BDP1: variants seen among roughly 807,000 people sequenced by gnomAD.
BDP1 encodes transcription factor TFIIIB component B'' homolog.
In BDP1, 169 loss-of-function variants were observed where a neutral mutation model predicts 266.6. The ratio of observed to expected loss-of-function variants is 0.63; its 90% CI spans 0.56 to 0.72. The LOEUF (loss-of-function observed/expected upper bound fraction) is 0.72. Ranked by LOEUF, BDP1 falls within the 30% of genes least tolerant of loss-of-function variation. The pLI, the probability that BDP1 is intolerant of heterozygous loss-of-function variation, is 0.00. For missense variants in BDP1, 3,015 were observed against 3,053.8 expected (o/e 0.99, Z 0.30); for synonymous variants, 1,090 against 1,022.4 (o/e 1.07, Z -1.26).
intron 34 of BDP1, among the ~76,000 whole-genome samples, chr5:71,551,334 C>G (rs1742738586): frequency 6.6e-6 from 1 of 152,146 alleles, no homozygotes; most frequent in South Asian, 2.1e-4. Context: ...ATACTGCGTT[C>G]AAGCATCTGT....
chr5:71,487,366 C>G (rs970195240), intron 9 of BDP1, among the ~76,000 whole-genome samples: 4 of 152,038 alleles, frequency 2.6e-5, no homozygotes, highest in East Asian at 1.9e-4. Context: ...CTCAGCCTCC[C>G]GAGTAGCTGG....
chr5:71,555,950 G>A (rs1743190100), intron 35 of BDP1, among the ~76,000 whole-genome samples: 2 of 151,684 alleles, frequency 1.3e-5, no homozygotes, highest in Non-Finnish European at 2.9e-5. Context: ...TTAACTTAGG[G>A]GAAATTGACA....
In BDP1 at chr5:71,467,377, C is replaced by A. The variant is rs570029100; in HGVS notation, c.809C>A (p.Thr270Lys). The A allele has an allele frequency of 7.5e-6, 12 of 1,608,558 alleles. No homozygotes were observed. The African/African-American group carries it at 1.5e-4, about 20-fold the overall frequency. The change falls in exon 6 of 39, where the codon ACA (threonine) becomes AAA (lysine). Residue 270 changes from threonine (T) to lysine (K), a missense_variant. By Grantham distance (78) the Thr-to-Lys change is moderately conservative. Coordinates refer to ENST00000358731, the MANE Select transcript of BDP1 (RefSeq NM_018429.3). ...AGTTTAACTGTAGAAGTTTTAAGAA[C>A]AAAAGGCCCTTGTGTTGTTGAAGAA... ...EESLTVEVLRTKGPCVVEEND... is the reference protein window; with the variant it reads ...EESLTVEVLRKKGPCVVEEND...
At chr5:71,563,336 C>T (rs912589462) in intron 38 of BDP1, among the ~76,000 whole-genome samples, 2 of 152,058 alleles carry the variant, frequency 1.3e-5, no homozygotes, top group Admixed American at 6.6e-5. Context: ...TTAGTAGAGG[C>T]GGGATTTCGC....
chr5:71,466,408 T>G (rs1761905780), intron 5 of BDP1, among the ~76,000 whole-genome samples, 187 bp downstream of exon 5: 1 of 152,226 alleles, frequency 6.6e-6, no homozygotes, highest in Admixed American at 6.5e-5. Context: ...TTTTTATAAC[T>G]ATTTTGTATG....
Position 71,461,889 on chromosome 5 carries a change from G to A in BDP1, c.562G>A (p.Asp188Asn). The A allele has an allele frequency of 6.3e-7, 1 of 1,587,534 alleles. No individual in the cohort carries two copies. Among genetic ancestry groups the A allele is most frequent in the Non-Finnish European group, 8.6e-7 (1 of 1,161,118 alleles). Reference protein sequence around the residue: ...PPDRSKMTMRDFIYYLPDNNP... With the variant: ...PPDRSKMTMRNFIYYLPDNNP... ...AGATCGTTCAAAAATGACTATGAGA[G>A]ACTTCATATATTATCTACCAGATAA... The change falls in exon 3 of 39, where the codon GAC becomes AAC. Residue 188 changes from aspartate (D) to asparagine (N), a missense_variant. Around this residue, in one of 3 missense-constraint regions of BDP1, gnomAD observed 2,383 missense variants for 2,404.9 expected, o/e 0.99. Transcript: ENST00000358731.
chr5:71,504,711 G>A lies in BDP1; in HGVS notation c.2332G>A (p.Val778Met), dbSNP rs3761967. ...QPEKNDSFQN[V>M]QPDEPKVLNE... ...TGAGAAAAATGATTCTTTTCAAAAT[G>A]TGCAGCCAGATGAGCCCAAGGTTCT... The change falls in exon 16 of 39, where the codon GTG (valine) becomes ATG (methionine). Residue 778 changes from valine (V) to methionine (M), a missense_variant. Val to Met is a conservative substitution (Grantham distance 21). Around this residue, in one of 3 missense-constraint regions of BDP1, gnomAD observed 2,383 missense variants for 2,404.9 expected, o/e 0.99. Coordinates refer to ENST00000358731, the MANE Select transcript of BDP1 (RefSeq NM_018429.3). 769,978 of 1,612,198 alleles carry A rather than the reference G, an allele frequency of 0.48. 186,516 individuals carry two copies. The highest frequency in any genetic ancestry group is 0.55 in the South Asian group (50,115 of 90,982).
Position 71,502,747 on chromosome 5 carries a change from G to A in BDP1, c.2197G>A (p.Ala733Thr). 6.2e-7 allele frequency: 1 copy of A among 1,613,866 alleles called. No individual in the cohort carries two copies. Among genetic ancestry groups the A allele is most frequent in the Non-Finnish European group, 8.5e-7 (1 of 1,179,946 alleles). ...EILISQEEIG[A>T]NVEKNENESC... is the part of the protein sequence containing the mutation. ...TCTCATATCACAGGAAGAAATTGGG[G>A]CCAATGTAGAGAAGAATGAAAATGA... is the stretch of plus-strand genomic sequence containing the variant. The change falls in exon 15 of 39, where the codon GCC becomes ACC. Residue 733 changes from alanine (A) to threonine (T), a missense_variant. Ala to Thr is a moderately conservative substitution (Grantham distance 58). This residue lies in a region of BDP1 where 2,383 missense variants were observed against 2,404.9 expected (regional missense o/e 0.99). Transcript: ENST00000358731.
At chr5:71,517,213 T>A in intron 21 of BDP1, 109 bp from the exon 22 acceptor site, 1 of 990,372 alleles carries the variant, frequency 1.0e-6, no homozygotes. Flanking sequence ...AAATAAAAAT[T>A]TAAAAAAGAA....
In BDP1 at chr5:71,490,768, G is replaced by A. The variant is rs543234044; in HGVS notation, c.1493-216G>A. Among the ~76,000 whole-genome samples, 5 of 152,248 alleles carry A rather than the reference G, an allele frequency of 3.3e-5. No homozygotes were observed. The South Asian group carries it at 1.0e-3, about 32-fold the overall frequency. ...TAAATACTTAGAATTTAAGATAAAA[G>A]GAAGATGCTACAAATTGCCCAAGAA... On this transcript the variant is annotated intron_variant, in intron 10 of 38. Coordinates refer to ENST00000358731, the MANE Select transcript of BDP1 (RefSeq NM_018429.3).
intron 37 of BDP1, 50 bp from the exon 38 acceptor site, chr5:71,562,220 AAAAG>A: frequency 2.4e-5 from 32 of 1,326,360 alleles, no homozygotes; most frequent in Admixed American, 5.2e-5. Context: ...AAAAAAAAAA[AAAAG>A]AATGTGTCTT....
intron 14 of BDP1, 41 bp downstream of exon 14, chr5:71,501,694 G>C: frequency 2.8e-6 from 2 of 708,620 alleles, no homozygotes; most frequent in Non-Finnish European, 4.5e-6. Flanking sequence ...AAAAAAAAAA[G>C]TAACTCTTAG....
chr5:71,489,628 C>T lies in BDP1; in HGVS notation c.1438C>T (p.Leu480Phe), dbSNP rs369730058. The change falls in exon 10 of 39, where the codon CTT becomes TTT. Residue 480 changes from leucine (L) to phenylalanine (F), a missense_variant. Leu to Phe is a conservative substitution (Grantham distance 22). Around this residue, in one of 3 missense-constraint regions of BDP1, gnomAD observed 2,383 missense variants for 2,404.9 expected, o/e 0.99. Coordinates refer to ENST00000358731, the MANE Select transcript of BDP1 (RefSeq NM_018429.3). ...AGCTAATGAACTGGGAGTAAACAAT[C>T]TTTTAGAAAATGCCACTGTTCAGGC... ...DGANELGVNNLLENATVQAGP... is the reference protein window; with the variant it reads ...DGANELGVNNFLENATVQAGP... 6.2e-7 allele frequency: 1 copy of T among 1,613,902 alleles called. No individual in the cohort carries two copies. The highest frequency in any genetic ancestry group is 1.3e-5 in the African/African-American group (1 of 74,926).
intron 2 of BDP1, among the ~76,000 whole-genome samples, chr5:71,459,100 A>ATAAG (rs1335883077): frequency 1.3e-5 from 2 of 152,220 alleles, no homozygotes; most frequent in Non-Finnish European, 2.9e-5. Flanking sequence ...AAGACCACAA[A>ATAAG]TAAGTTTCAT....
At chr5:71,550,421 C>T (rs900071082) in intron 34 of BDP1, among the ~76,000 whole-genome samples, 23 of 151,692 alleles carry the variant, frequency 1.5e-4, no homozygotes, top group Non-Finnish European at 1.8e-4. Flanking sequence ...CAAGTAGCTT[C>T]TCAGCTACAG....
rs770381903 is a variant in BDP1 at position 71,483,074 on chromosome 5, CCTTT to C, written c.1015-767_1015-764del. Among the ~76,000 whole-genome samples the C allele has an allele frequency of 4.5e-4, 69 of 152,098 alleles. 1 individual carries two copies. Among genetic ancestry groups the C allele is most frequent in the Non-Finnish European group, 8.7e-4 (59 of 68,020 alleles). ...GGGAGGAAGGGGGCATGAAGTACTTCCTTTGTTTTATGTGATATTCTCTCTCTCT... is the reference window on the plus strand; with the variant it reads ...GGGAGGAAGGGGGCATGAAGTACTTCGTTTTATGTGATATTCTCTCTCTCT... On this transcript the variant is annotated intron_variant, in intron 7 of 38. Transcript: ENST00000358731.
chr5:71,554,407 C>G (rs1173324144), intron 35 of BDP1, among the ~76,000 whole-genome samples: 2 of 152,086 alleles, frequency 1.3e-5, no homozygotes, highest in Admixed American at 1.3e-4. Flanking sequence ...TCTCTTGACT[C>G]TGCTTTCTTT....
chr5:71,456,008 C>T lies in BDP1; in HGVS notation c.131C>T (p.Ala44Val). 1.9e-6 allele frequency: 3 copies of T among 1,613,664 alleles called. No homozygotes were observed. The highest frequency in any genetic ancestry group is 2.2e-5 in the South Asian group (2 of 91,080). ...PRPPDPATDS[A>V]SKPAEPTDVP... is the part of the protein sequence containing the mutation. ...CCGCCGGATCCTGCCACGGACTCTGCTTCCAAGCCCGCGGAGCCCACAGAT... is the reference window on the plus strand; with the variant it reads ...CCGCCGGATCCTGCCACGGACTCTGTTTCCAAGCCCGCGGAGCCCACAGAT... The change falls in exon 1 of 39, where the codon GCT (alanine) becomes GTT (valine). Residue 44 changes from alanine to valine, a missense_variant. Ala to Val is a moderately conservative substitution (Grantham distance 64). This residue lies in a region of BDP1 where 2,383 missense variants were observed against 2,404.9 expected (regional missense o/e 0.99). Transcript: ENST00000358731.
At chr5:71,518,696 C>T (rs906299725) in intron 22 of BDP1, among the ~76,000 whole-genome samples, 19 of 151,984 alleles carry the variant, frequency 1.3e-4, no homozygotes, top group Non-Finnish European at 1.8e-4. Flanking sequence ...TCAAGTGAAC[C>T]GCCCATCTCG....
Sources: allele counts gnomAD v4.1 joint callset (sites outside exome capture counted in the v4.1 genomes callset), GRCh38; gene constraint gnomAD v4.1.1; regional missense constraint gnomAD v4.1.1; transcripts MANE v1.5; gene names NCBI Gene and HGNC (gene_info 2026-07-23, HGNC 2026-07-21).